Variants in TXLNG observed in about 807,000 individuals in gnomAD.
The protein encoded by TXLNG is taxilin gamma, also known as gamma-taxilin.
Under a neutral mutation model 38.8 loss-of-function variants are expected in TXLNG, and 5 were observed. That is an observed-to-expected ratio of 0.13 (90% CI 0.07 to 0.27). The LOEUF is 0.27. TXLNG is among the 10% of genes least tolerant of loss of function. The pLI, the probability that TXLNG is intolerant of heterozygous loss-of-function variation, is 1.00. For synonymous variants in TXLNG, 182 were observed against 158.2 expected, an observed-to-expected ratio of 1.15 and a Z score of -1.13; for missense variants, 393 against 398.2, an observed-to-expected ratio of 0.99 and a Z score of 0.11.
At chrX:16,812,581 A>T (rs1414228500) in intron 1 of TXLNG, among the ~76,000 whole-genome samples, 2 of 104,087 alleles carry the variant, frequency 1.9e-5, no homozygotes, top group Non-Finnish European at 3.9e-5. Flanking sequence ...TTTAGCAGAG[A>T]CAGGGTTTCA....
intron 1 of TXLNG, among the ~76,000 whole-genome samples, chrX:16,814,246 A>G (rs1335428435): frequency 8.9e-6 from 1 of 112,109 alleles, no homozygotes; most frequent in Non-Finnish European, 1.9e-5. Flanking sequence ...TATAAGGGAT[A>G]TTATTCAGCT....
At chrX:16,822,507 G>A (rs928093822) in intron 3 of TXLNG, among the ~76,000 whole-genome samples, 5 of 111,894 alleles carry the variant, frequency 4.5e-5, no homozygotes, top group African/African-American at 1.6e-4. Flanking sequence ...AAAGATGGCC[G>A]AAAACACAGC....
At chrX:16,786,770 G>A (rs1455494095) in intron 1 of TXLNG, among the ~76,000 whole-genome samples, 181 bp downstream of exon 1, 1 of 109,984 alleles carries the variant, frequency 9.1e-6, no homozygotes, top group Non-Finnish European at 1.9e-5. Context: ...CGCGATGGAT[G>A]GGGTGGGAAG....
At chrX:16,824,465 T>C (rs1158311911) in intron 3 of TXLNG, among the ~76,000 whole-genome samples, 1 of 112,339 alleles carries the variant, frequency 8.9e-6, no homozygotes, top group Admixed American at 9.5e-5. Context: ...CTTTGAAATT[T>C]GTAGATATTA....
At chrX:16,809,415 C>T (rs1217753387) in intron 1 of TXLNG, among the ~76,000 whole-genome samples, 3 of 101,538 alleles carry the variant, frequency 3.0e-5, no homozygotes, top group African/African-American at 1.1e-4. Flanking sequence ...GTGATCTCGG[C>T]TCTCTGCAAC....
intron 1 of TXLNG, among the ~76,000 whole-genome samples, chrX:16,815,112 A>G (rs1928682725): frequency 2.7e-5 from 3 of 111,212 alleles, no homozygotes; most frequent in African/African-American, 6.5e-5. Flanking sequence ...TGTGGGTTTT[A>G]TTATCATTAA....
intron 1 of TXLNG, among the ~76,000 whole-genome samples, chrX:16,798,932 T>C (rs1479746321): frequency 9.3e-6 from 1 of 107,884 alleles, no homozygotes; most frequent in African/African-American, 3.4e-5. Flanking sequence ...CAGGCTGGAG[T>C]GCAATGGCGC....
intron 1 of TXLNG, among the ~76,000 whole-genome samples, chrX:16,792,250 A>G (rs963559081): frequency 1.8e-5 from 2 of 112,038 alleles, no homozygotes; most frequent in African/African-American, 6.5e-5. Context: ...CTTGAATAAT[A>G]GAGCCCACAG....
intron 6 of TXLNG, among the ~76,000 whole-genome samples, chrX:16,833,484 G>A (rs1187395031): frequency 8.9e-6 from 1 of 112,098 alleles, no homozygotes; most frequent in East Asian, 2.8e-4. Context: ...CCCTCGTCAT[G>A]CGGGCATGTC....
chrX:16,829,269 G>A (rs1426636191), intron 4 of TXLNG, among the ~76,000 whole-genome samples: 1 of 111,844 alleles, frequency 8.9e-6, no homozygotes, highest in African/African-American at 3.3e-5. Flanking sequence ...AAGGGGGCAG[G>A]ATCTCTTCCG....
chrX:16,830,841 G>C, intron 5 of TXLNG, among the ~76,000 whole-genome samples: 2 of 75,671 alleles, frequency 2.6e-5, no homozygotes, highest in Middle Eastern at 6.5e-3. Flanking sequence ...GTGTGTGTGT[G>C]TGTGTGTGTG....
chrX:16,799,757 C>A (rs1387481907), intron 1 of TXLNG, among the ~76,000 whole-genome samples: 1 of 110,384 alleles, frequency 9.1e-6, no homozygotes, highest in Non-Finnish European at 1.9e-5. Flanking sequence ...GGTGACAGAG[C>A]GAGACTCTGT....
At position 16,829,720 on chromosome X, in the gene TXLNG, C is replaced by G; in HGVS notation, c.814C>G (p.Leu272Val). 1 of 1,211,814 alleles carries G rather than the reference C, an allele frequency of 8.3e-7. No individual in the cohort carries two copies. Among genetic ancestry groups the G allele is most frequent in the Non-Finnish European group, 1.1e-6 (1 of 895,551 alleles). ...NAKLRQENIELGEKLKKLIEQ... is the reference protein window; with the variant it reads ...NAKLRQENIEVGEKLKKLIEQ... Reference sequence around the variant, plus strand: ...CAAACTCCGACAGGAAAACATTGAGCTGGGGGAGAAGCTAAAGAAGCTCAT... The same window carrying G: ...CAAACTCCGACAGGAAAACATTGAGGTGGGGGAGAAGCTAAAGAAGCTCAT... The change falls in exon 5 of 10, where the codon CTG becomes GTG. Residue 272 changes from leucine (L) to valine (V), a missense_variant. By Grantham distance (32) the Leu-to-Val change is conservative (BLOSUM62 1). Transcript: ENST00000380122.
chrX:16,798,280 T>C (rs1043402867), intron 1 of TXLNG, among the ~76,000 whole-genome samples: 3 of 112,543 alleles, frequency 2.7e-5, no homozygotes, highest in Non-Finnish European at 3.7e-5. Context: ...AAAAGTCTTT[T>C]TAAGTATTGG....
At chrX:16,838,353 ACAG>A (rs2147501059) in intron 8 of TXLNG, among the ~76,000 whole-genome samples, 1 of 112,073 alleles carries the variant, frequency 8.9e-6, no homozygotes, top group African/African-American at 3.2e-5. Flanking sequence ...GGGGAGAAGT[ACAG>A]TAGTGCCTGG....
In TXLNG at chrX:16,842,996, A is replaced by C. The variant is rs1350202559; in HGVS notation, c.*1230A>C. 2 of 112,394 alleles carry C rather than the reference A, an allele frequency of 1.8e-5. No homozygotes were observed. Among genetic ancestry groups the C allele is most frequent in the Admixed American group, 9.4e-5 (1 of 10,587 alleles). The allele number at this position is 112,394 out of a possible 1,213,427, so 9.3% of individuals were successfully genotyped here. ...TTGAAATTAAGCACATAACTTTTGA[A>C]TTAGTTCTTTGTTTCAATGTTGAAT... On this transcript the variant is annotated 3_prime_UTR_variant, in exon 10 of 10. Coordinates refer to ENST00000380122, the MANE Select transcript of TXLNG (RefSeq NM_018360.3).
chrX:16,833,889 T>G (rs988734865), intron 6 of TXLNG, among the ~76,000 whole-genome samples: 7 of 112,419 alleles, frequency 6.2e-5, no homozygotes, highest in African/African-American at 2.3e-4. Flanking sequence ...CCATACGCTT[T>G]CACTCTGCCT....
At chrX:16,828,071 T>C in intron 3 of TXLNG, 23 bp from the exon 4 acceptor site, 1 of 1,175,038 alleles carries the variant, frequency 8.5e-7, no homozygotes, top group Non-Finnish European at 1.1e-6. Flanking sequence ...ACTTCCTAAA[T>C]ACAAAGTGCT....
intron 1 of TXLNG, among the ~76,000 whole-genome samples, chrX:16,805,784 T>C (rs1428320195): frequency 8.9e-6 from 1 of 112,431 alleles, no homozygotes; most frequent in Non-Finnish European, 1.9e-5. Flanking sequence ...TTTGGAAACA[T>C]TGAGAATTTA....
Sources: gnomAD v4.1 joint callset for allele counts (sites outside exome capture counted in the v4.1 genomes callset) on GRCh38, gnomAD v4.1.1 for gene constraint, MANE v1.5 for transcripts, NCBI Gene and HGNC (gene_info 2026-07-23, HGNC 2026-07-21) for gene names.